Variants in EPM2A observed in about 807,000 individuals in gnomAD.
EPM2A encodes laforin.
In EPM2A, 21 loss-of-function variants were observed where a neutral mutation model predicts 26.5. The observed-to-expected ratio is 0.79, with a 90% confidence interval of 0.56 to 1.14. The LOEUF is 1.14. Among genes scored for constraint, EPM2A ranks in the 50% most tolerant of loss-of-function variants. EPM2A has a pLI of 0.00. For synonymous variants in EPM2A, 217 were observed against 177.6 expected (o/e 1.22, Z -1.76); for missense variants, 458 against 440.8 (o/e 1.04, Z -0.35).
chr6:145,651,356 T>G (rs1266761063), intron 2 of EPM2A, among the ~76,000 whole-genome samples: 2 of 152,194 alleles, frequency 1.3e-5, no homozygotes, highest in Non-Finnish European at 2.9e-5. Context: ...TTCCTTTCAT[T>G]ATTTGTGGCA....
chr6:145,450,568 G>A (rs1779184299), intron 4 of EPM2A, among the ~76,000 whole-genome samples: 1 of 152,124 alleles, frequency 6.6e-6, no homozygotes, highest in South Asian at 2.1e-4. Flanking sequence ...GACTTTGGAA[G>A]TTTTCTCACA....
intron 2 of EPM2A, among the ~76,000 whole-genome samples, chr6:145,601,099 T>C (rs1781411237): frequency 6.6e-6 from 1 of 152,244 alleles, no homozygotes; most frequent in Admixed American, 6.5e-5. Context: ...ATTAGAGTTT[T>C]GTTGACTTTT....
At chr6:145,396,619 C>T (rs1778409246) in intron 4 of EPM2A, among the ~76,000 whole-genome samples, 1 of 144,628 alleles carries the variant, frequency 6.9e-6, no homozygotes, top group Admixed American at 6.9e-5. Flanking sequence ...CCCTCAGATA[C>T]CTGGAGTGCT....
chr6:145,725,745 T>C (rs1026483508), intron 1 of EPM2A, among the ~76,000 whole-genome samples: 12 of 152,076 alleles, frequency 7.9e-5, no homozygotes, highest in Middle Eastern at 3.4e-3. Flanking sequence ...AGATCAGTGG[T>C]TGCCAAGGGT....
At chr6:145,645,557 A>G (rs1777398781) in intron 2 of EPM2A, among the ~76,000 whole-genome samples, 1 of 151,906 alleles carries the variant, frequency 6.6e-6, no homozygotes, top group Non-Finnish European at 1.5e-5. Flanking sequence ...CTTCTGCTTC[A>G]GCCTCGAAGG....
intron 4 of EPM2A, among the ~76,000 whole-genome samples, chr6:145,387,944 G>A (rs1778285271): frequency 6.6e-6 from 1 of 152,062 alleles, no homozygotes; most frequent in African/African-American, 2.4e-5. Flanking sequence ...AAACAGAAGG[G>A]AAGCTATCAG....
chr6:145,553,883 A>T (rs973167483), intron 2 of EPM2A, among the ~76,000 whole-genome samples: 43 of 148,472 alleles, frequency 2.9e-4, no homozygotes, highest in Admixed American at 4.7e-4. Context: ...TGATATATAT[A>T]TATCAAGTAA....
intron 4 of EPM2A, among the ~76,000 whole-genome samples, chr6:145,406,276 G>A (rs1582730856): frequency 6.6e-6 from 1 of 152,270 alleles, no homozygotes; most frequent in South Asian, 2.1e-4. Context: ...CCATGGCAAA[G>A]TGATCATGTA....
At chr6:145,573,276 A>C (rs1262247488) in intron 2 of EPM2A, among the ~76,000 whole-genome samples, 1 of 152,236 alleles carries the variant, frequency 6.6e-6, no homozygotes, top group African/African-American at 2.4e-5. Flanking sequence ...AGGACAGTAA[A>C]GGTATATTAC....
At chr6:145,584,850 G>A (rs889621313) in intron 2 of EPM2A, among the ~76,000 whole-genome samples, 1 of 152,194 alleles carries the variant, frequency 6.6e-6, no homozygotes, top group Non-Finnish European at 1.5e-5. Flanking sequence ...GAGTGTGCCA[G>A]TCTTCCCAAT....
chr6:145,625,175 G>A (rs1431230355), downstream of EPM2A: 1 of 153,072 alleles, frequency 6.5e-6, no homozygotes, highest in Non-Finnish European at 1.5e-5. Flanking sequence ...TTAATTGAAA[G>A]AGGAAGAGTG....
At chr6:145,650,265 C>T (rs558478301) in intron 2 of EPM2A, among the ~76,000 whole-genome samples, 7 of 152,140 alleles carry the variant, frequency 4.6e-5, no homozygotes, top group African/African-American at 7.2e-5. Context: ...ATATTGATGT[C>T]CTTGACCGGG....
chr6:145,516,819 A>G (rs1407895444), intron 2 of EPM2A, among the ~76,000 whole-genome samples: 2 of 152,230 alleles, frequency 1.3e-5, no homozygotes, highest in African/African-American at 4.8e-5. Context: ...TAGAACTACC[A>G]TATAATCCAG....
chr6:145,470,350 ATATC>A (rs1177470077), intron 4 of EPM2A, among the ~76,000 whole-genome samples: 1 of 152,162 alleles, frequency 6.6e-6, no homozygotes, highest in Non-Finnish European at 1.5e-5. Context: ...CTTTAAAAGA[ATATC>A]TATGTTATGA....
chr6:145,597,331 T>G (rs1400443754), intron 2 of EPM2A, among the ~76,000 whole-genome samples: 1 of 152,230 alleles, frequency 6.6e-6, no homozygotes, highest in Non-Finnish European at 1.5e-5. Flanking sequence ...TATCTTCTTC[T>G]ACACTTACAT....
intron 4 of EPM2A, among the ~76,000 whole-genome samples, chr6:145,388,302 C>A (rs1778290192): frequency 6.6e-6 from 1 of 152,136 alleles, no homozygotes; most frequent in Admixed American, 6.6e-5. Flanking sequence ...ACGGCCCTCT[C>A]CTGTGATCTT....
At chr6:145,454,690 A>G (rs1779237772) in intron 4 of EPM2A, among the ~76,000 whole-genome samples, 1 of 152,210 alleles carries the variant, frequency 6.6e-6, no homozygotes, top group Non-Finnish European at 1.5e-5. Context: ...TAGCCCTTGC[A>G]GTGGGCTTGA....
intron 2 of EPM2A, among the ~76,000 whole-genome samples, chr6:145,533,846 T>A (rs1344300760): frequency 6.6e-6 from 1 of 152,184 alleles, no homozygotes; most frequent in African/African-American, 2.4e-5. Context: ...CATGCTTGTT[T>A]ATTGTTTCTC....
intron 1 of EPM2A, among the ~76,000 whole-genome samples, chr6:145,712,706 A>G (rs1485455740): frequency 6.6e-6 from 1 of 152,184 alleles, no homozygotes; most frequent in Non-Finnish European, 1.5e-5. Context: ...TAGCAGAAAA[A>G]TGCCTGGAAA....
Sources: gnomAD v4.1 joint callset for allele counts (sites outside exome capture counted in the v4.1 genomes callset) on GRCh38, gnomAD v4.1.1 for gene constraint, MANE v1.5 for transcripts, NCBI Gene and HGNC (gene_info 2026-07-23, HGNC 2026-07-21) for gene names.